Variants in STK38 observed in about 807,000 individuals in gnomAD.
STK38 encodes serine/threonine kinase 38.
STK38 carries 26 observed loss-of-function variants against 59.0 expected under a neutral mutation model. The observed-to-expected ratio is 0.44, with a 90% CI of 0.32 to 0.61. The LOEUF is 0.61. Ranked by LOEUF, STK38 falls within the 20% of genes least tolerant of loss-of-function variation. STK38 has a pLI of 0.04. For synonymous variants in STK38, 175 were observed against 176.6 expected, an observed-to-expected ratio of 0.99 and a Z score of 0.07; for missense variants, 433 against 566.0, an observed-to-expected ratio of 0.76 and a Z score of 2.38.
At chr6:36,507,623 G>T in intron 7 of STK38, 21 bp from the exon 8 acceptor site, 2 of 1,561,554 alleles carry the variant, frequency 1.3e-6, no homozygotes, top group Non-Finnish European at 1.8e-6. Context: ...GAAACAAGGT[G>T]ATAGATGGAT....
Position 36,524,278 on chromosome 6 carries a change from G to T in STK38, c.306+63C>A, listed in dbSNP as rs191342413. 2.7e-4 allele frequency: 425 copies of T among 1,548,496 alleles called. 1 individual carries two copies. The African/African-American group carries it at 5.4e-3, about 20-fold the overall frequency. Reference sequence around the variant, plus strand: ...TTATATCAACAATCATGACTTAATGGTATGTTAGAAGCTTTGAAGTTTTGC... The same window carrying T: ...TTATATCAACAATCATGACTTAATGTTATGTTAGAAGCTTTGAAGTTTTGC... On this transcript the variant is annotated intron_variant, in intron 4 of 13. Transcript: ENST00000229812.
chr6:36,528,554 TCC>T (rs147053135), intron 2 of STK38, among the ~76,000 whole-genome samples: 4,144 of 152,264 alleles, frequency 0.027, 197 homozygotes, highest in African/African-American at 0.092. Flanking sequence ...TTCTCCCAGT[TCC>T]CAGAATATTT....
chr6:36,524,598 T>G (rs3752478), intron 3 of STK38, 135 bp from the exon 4 acceptor site: 277,028 of 874,962 alleles, frequency 0.32, 49,457 homozygotes, highest in East Asian at 0.57. Context: ...ACATATGAAA[T>G]CACCCCAGAA....
At position 36,517,752 on chromosome 6, in the gene STK38, A is replaced by C; in HGVS notation, c.479T>G (p.Leu160Arg). ...GAACTCCATGATTAGGTAGAGGTTTAGCTTATCCTGAAAACTATAGAACAT... is the reference window on the plus strand; with the variant it reads ...GAACTCCATGATTAGGTAGAGGTTTCGCTTATCCTGAAAACTATAGAACAT... ...VKMFYSFQDKLNLYLIMEFLP... is the reference protein window; with the variant it reads ...VKMFYSFQDKRNLYLIMEFLP... Residue 160 changes from leucine to arginine, a missense_variant, in exon 6 of 14, where the codon CTA (leucine) becomes CGA (arginine). Physicochemically the swap from Leu to Arg is moderately radical, Grantham distance 102. Around this residue, in one of 3 missense-constraint regions of STK38, gnomAD observed 293 missense variants for 388.2 expected, o/e 0.75. Coordinates refer to ENST00000229812, the MANE Select transcript of STK38 (RefSeq NM_007271.4). 6.2e-7 allele frequency: 1 copy of C among 1,614,154 alleles called. No individual in the cohort carries two copies. Among genetic ancestry groups the C allele is most frequent in the South Asian group, 1.1e-5 (1 of 91,084 alleles).
chr6:36,508,842 G>C (rs1777032606), intron 7 of STK38, among the ~76,000 whole-genome samples: 1 of 152,260 alleles, frequency 6.6e-6, no homozygotes, highest in African/African-American at 2.4e-5. Flanking sequence ...CCAGGTGCCA[G>C]CATAGTTGCT....
intron 1 of STK38, among the ~76,000 whole-genome samples, chr6:36,545,744 T>C (rs1322561798): frequency 6.6e-6 from 1 of 152,176 alleles, no homozygotes; most frequent in Non-Finnish European, 1.5e-5. Flanking sequence ...ATTGGAGGCC[T>C]TTGCCCCATT....
intron 7 of STK38, among the ~76,000 whole-genome samples, chr6:36,512,616 T>C (rs549248685): frequency 1.6e-3 from 238 of 152,326 alleles, no homozygotes; most frequent in African/African-American, 5.2e-3. Context: ...ATCAAAGTGA[T>C]TACAACAAAA....
rs956238398 is a variant in STK38 at position 36,494,829 on chromosome 6, C to T, written c.*955G>A. The T allele has an allele frequency of 6.6e-6, 1 of 152,306 alleles. No homozygotes were observed. The highest frequency in any genetic ancestry group is 1.5e-5 in the Non-Finnish European group (1 of 68,056). The allele number at this position is 152,306 out of a possible 1,614,324, so 9.4% of individuals were successfully genotyped here. A position where few individuals can be genotyped will look rare whatever the true frequency, so the allele number is the denominator to read the frequency against. ...CCATTTCCAAAGGGGTTCTGGAGAC[C>T]TTGCAGGAACAGGAACAGCACCTTA... On this transcript the variant is annotated 3_prime_UTR_variant, in exon 14 of 14. Coordinates refer to ENST00000229812, the MANE Select transcript of STK38 (RefSeq NM_007271.4).
intron 9 of STK38, among the ~76,000 whole-genome samples, chr6:36,502,512 C>A (rs935496305): frequency 8.6e-5 from 13 of 151,966 alleles, no homozygotes; most frequent in Admixed American, 8.5e-4. Context: ...TATTTGTATA[C>A]TGCAAGTATC....
rs774099487 is a variant in STK38 at position 36,522,876 on chromosome 6, A to AAAAAAAAAAG, written c.307-1060_307-1059insCTTTTTTTTT. Reference sequence around the variant, plus strand: ...GTCTCAAAAAAAAAAAAAAAAAAAAAAAGAAGAAGAAGAAAATTCAAAATG... The same window carrying AAAAAAAAAAG: ...GTCTCAAAAAAAAAAAAAAAAAAAAAAAAAAAAAAGAAGAAGAAGAAGAAAATTCAAAATG... On this transcript the variant is annotated intron_variant, in intron 4 of 13. Coordinates refer to ENST00000229812, the MANE Select transcript of STK38 (RefSeq NM_007271.4). Among the ~76,000 whole-genome samples the AAAAAAAAAAG allele has an allele frequency of 4.2e-4, 42 of 98,864 alleles. 2 individuals are homozygous for AAAAAAAAAAG. Among genetic ancestry groups the AAAAAAAAAAG allele is most frequent in the Admixed American group, 1.1e-3 (8 of 7,516 alleles). 64.9% of individuals were successfully genotyped at this position (98,864 alleles called of 152,430 possible).
intron 4 of STK38, among the ~76,000 whole-genome samples, chr6:36,522,661 C>G (rs1777406898): frequency 6.6e-6 from 1 of 151,844 alleles, no homozygotes. Flanking sequence ...AGTTCGAGAC[C>G]AGCCTGGCCA....
rs190269066 is a variant in STK38, at chr6:36,496,670, T to C, written c.1267+41A>G. ...TCATCCCAAAATTGGGGGTAAATAA[T>C]GTGCTTATAAGGCAGCAGGAGACAA... On this transcript the variant is annotated intron_variant, in intron 13 of 13. Transcript: ENST00000229812. 1.1e-4 allele frequency: 154 copies of C among 1,454,486 alleles called. No homozygotes were observed. The African/African-American group carries it at 1.9e-3, about 17-fold the overall frequency. 90.1% of individuals were successfully genotyped at this position (1,454,486 alleles called of 1,614,324 possible).
At position 36,536,195 on chromosome 6, in the gene STK38, T is replaced by C. The variant is rs1274237527; in HGVS notation, c.131+3877A>G. Among the ~76,000 whole-genome samples, 5 of 152,332 alleles carry C rather than the reference T, an allele frequency of 3.3e-5. No homozygotes were observed. The South Asian group carries it at 6.2e-4, about 19-fold the overall frequency. On this transcript the variant is annotated intron_variant, in intron 2 of 13. Transcript: ENST00000229812. ...GCCAAAGCAATCTCATGGGGGAAGA[T>C]CTTTTCCACAAATGTTGCTAAAATA...
chr6:36,500,801 C>G (rs962448606), intron 9 of STK38, among the ~76,000 whole-genome samples: 1 of 151,016 alleles, frequency 6.6e-6, no homozygotes, highest in East Asian at 1.9e-4. Context: ...GTATCTTACT[C>G]CAAACCATCC....
intron 10 of STK38, 65 bp downstream of exon 10, chr6:36,499,808 C>G (rs1170606491): frequency 3.2e-6 from 4 of 1,252,350 alleles, no homozygotes; most frequent in Non-Finnish European, 4.7e-6. Flanking sequence ...GAAACAGAGG[C>G]TGGTATCAAT....
At chr6:36,539,869 C>T (rs1777888834) in intron 2 of STK38, among the ~76,000 whole-genome samples, 1 of 149,798 alleles carries the variant, frequency 6.7e-6, no homozygotes, top group Non-Finnish European at 1.5e-5. Flanking sequence ...TCTTGGATTT[C>T]AATAGAAGTT....
chr6:36,496,825 C>T lies in STK38; in HGVS notation c.1173-20G>A. 19 of 1,560,486 alleles carry T rather than the reference C, an allele frequency of 1.2e-5. No homozygotes were observed. The highest frequency in any genetic ancestry group is 1.6e-5 in the Non-Finnish European group (18 of 1,135,250). On this transcript the variant is annotated intron_variant, in intron 12 of 13. Coordinates refer to ENST00000229812, the MANE Select transcript of STK38 (RefSeq NM_007271.4). The stretch of plus-strand genomic sequence containing the variant: ...CTCTCTCTGCCAAGAATACACATGC[C>T]AAAAATTACTAAGTTAGTAATCAAA...
At position 36,521,885 on chromosome 6, in the gene STK38, T is replaced by C. The variant is rs147229909; in HGVS notation, c.307-68A>G. On this transcript the variant is annotated intron_variant, in intron 4 of 13. Coordinates refer to ENST00000229812, the MANE Select transcript of STK38 (RefSeq NM_007271.4). ...ACCAACCTAATGCTTTCATGTGTTA[T>C]AGGATGCAATAATTAACTGAAAAAG... The C allele has an allele frequency of 5.2e-4, 644 of 1,232,318 alleles. 2 individuals carry two copies. In the African/African-American group the frequency reaches 8.7e-3, roughly 17 times the overall value. 76.3% of individuals were successfully genotyped at this position (1,232,318 alleles called of 1,614,324 possible).
At chr6:36,504,776 C>T (rs1435375887) in intron 9 of STK38, among the ~76,000 whole-genome samples, 1 of 151,606 alleles carries the variant, frequency 6.6e-6, no homozygotes, top group Non-Finnish European at 1.5e-5. Flanking sequence ...CATGACATGA[C>T]CCTTGGGTAC....
Sources: allele counts gnomAD v4.1 joint callset (sites outside exome capture counted in the v4.1 genomes callset), GRCh38; gene constraint gnomAD v4.1.1; regional missense constraint gnomAD v4.1.1; transcripts MANE v1.5; gene names NCBI Gene and HGNC (gene_info 2026-07-23, HGNC 2026-07-21).